The following ADCY2 variants were observed in gnomAD, a reference collection of about 807,000 sequenced individuals.
The protein encoded by ADCY2 is adenylate cyclase 2.
ADCY2 carries 31 observed loss-of-function variants against 125.2 expected under a neutral mutation model. The ratio of observed to expected loss-of-function variants is 0.25; its 90% CI spans 0.19 to 0.33. ADCY2 has a LOEUF of 0.33. Ranked by LOEUF, ADCY2 falls within the 10% of genes least tolerant of loss-of-function variation. The pLI, the probability that ADCY2 is intolerant of heterozygous loss-of-function variation, is 1.00. For synonymous variants in ADCY2, 512 were observed against 548.4 expected (o/e 0.93, Z 0.93); for missense variants, 904 against 1,418.2 (o/e 0.64, Z 5.82).
In ADCY2 at chr5:7,707,926, T is replaced by C; in HGVS notation, c.1401+88T>C. The C allele has an allele frequency of 1.1e-5, 15 of 1,423,632 alleles. No individual in the cohort carries two copies. The South Asian group carries it at 2.0e-4, about 19-fold the overall frequency. The allele number at this position is 1,423,632 out of a possible 1,614,324, so 88.2% of individuals were successfully genotyped here. ...AAGTGTTTTTAGTCAATATCCAATATAATTCTTTGCTACTCTTTGTCCCCA... is the reference window on the plus strand; with the variant it reads ...AAGTGTTTTTAGTCAATATCCAATACAATTCTTTGCTACTCTTTGTCCCCA... On this transcript the variant is annotated intron_variant, in intron 9 of 24. Coordinates refer to ENST00000338316, the MANE Select transcript of ADCY2 (RefSeq NM_020546.3).
At position 7,396,633 on chromosome 5, in the gene ADCY2, C is replaced by T. The variant is rs1244542639; in HGVS notation, c.210+127C>T. On this transcript the variant is annotated intron_variant, in intron 1 of 24. Transcript: ENST00000338316. This position sits in a 1 kb window ranked among gnomAD's most constrained non-coding sequence, Gnocchi z 5.7. Reference sequence around the variant, plus strand: ...GGCAGCCCCTCGGCCCGCGGCAGCCCCTCGGCCCGCGGCTCCCTGCTTCTC... The same window carrying T: ...GGCAGCCCCTCGGCCCGCGGCAGCCTCTCGGCCCGCGGCTCCCTGCTTCTC... 1 of 471,358 alleles carries T rather than the reference C, an allele frequency of 2.1e-6. No homozygotes were observed. The highest frequency in any genetic ancestry group is 3.1e-6 in the Non-Finnish European group (1 of 317,918). The allele number at this position is 471,358 out of a possible 1,614,324, so 29.2% of individuals were successfully genotyped here. A position where few individuals can be genotyped will look rare whatever the true frequency, so the allele number is the denominator to read the frequency against.
chr5:7,463,953 G>A (rs897210311), intron 2 of ADCY2, among the ~76,000 whole-genome samples: 15 of 152,124 alleles, frequency 9.9e-5, no homozygotes, highest in Non-Finnish European at 2.2e-4. Flanking sequence ...GTGTTTTGGT[G>A]CATCTTATGT....
intron 2 of ADCY2, among the ~76,000 whole-genome samples, chr5:7,505,581 C>T (rs1008152585): frequency 5.3e-5 from 8 of 152,202 alleles, no homozygotes; most frequent in Non-Finnish European, 1.0e-4. Context: ...ACTGAGCCAA[C>T]GCAGATGCTA....
chr5:7,477,648 A>T (rs1157821752), intron 2 of ADCY2, among the ~76,000 whole-genome samples: 1 of 152,024 alleles, frequency 6.6e-6, no homozygotes, highest in Non-Finnish European at 1.5e-5. Flanking sequence ...ACTTTTGAAG[A>T]TTTGCTCTTA....
intron 22 of ADCY2, among the ~76,000 whole-genome samples, chr5:7,809,007 C>A (rs1455701318): frequency 2.0e-5 from 3 of 152,182 alleles, no homozygotes; most frequent in Non-Finnish European, 4.4e-5. Flanking sequence ...CTTCTGTTAC[C>A]TTACGCATGA....
intron 2 of ADCY2, among the ~76,000 whole-genome samples, chr5:7,444,163 G>T (rs1247539471): frequency 6.8e-6 from 1 of 147,512 alleles, no homozygotes; most frequent in Non-Finnish European, 1.5e-5. Flanking sequence ...TCCCCGGCTG[G>T]AGTGCAGTGG....
At chr5:7,807,615 A>G (rs1744794761) in intron 22 of ADCY2, among the ~76,000 whole-genome samples, 1 of 152,102 alleles carries the variant, frequency 6.6e-6, no homozygotes, top group Admixed American at 6.5e-5. Flanking sequence ...GACCTCTCCT[A>G]AGACTTTATC....
chr5:7,463,343 A>G (rs6859422), intron 2 of ADCY2, among the ~76,000 whole-genome samples: 1,651 of 152,288 alleles, frequency 0.011, 32 homozygotes, highest in African/African-American at 0.038. Flanking sequence ...AAAAAGAACA[A>G]TCGTTCCATG....
chr5:7,436,723 C>T (rs545241905), intron 2 of ADCY2, among the ~76,000 whole-genome samples: 3 of 152,344 alleles, frequency 2.0e-5, no homozygotes, highest in East Asian at 1.9e-4. Flanking sequence ...CGCATCATCG[C>T]GGCACTCTTG....
intron 4 of ADCY2, among the ~76,000 whole-genome samples, chr5:7,664,592 C>G (rs1420250463): frequency 1.3e-5 from 2 of 152,210 alleles, no homozygotes; most frequent in African/African-American, 2.4e-5. Context: ...TCATGACTTA[C>G]TTTCCAATCT....
intron 6 of ADCY2, among the ~76,000 whole-genome samples, chr5:7,696,079 T>C (rs1211851009): frequency 6.6e-6 from 1 of 152,250 alleles, no homozygotes; most frequent in Non-Finnish European, 1.5e-5. Flanking sequence ...CACGTTTTTA[T>C]CTATTTTAAA....
intron 3 of ADCY2, among the ~76,000 whole-genome samples, chr5:7,602,855 A>G (rs890549940): frequency 6.6e-6 from 1 of 152,160 alleles, no homozygotes; most frequent in African/African-American, 2.4e-5. Context: ...TCAGCCTTAT[A>G]TTTGGCTCCA....
At chr5:7,756,094 A>G (rs1742984001) in intron 15 of ADCY2, among the ~76,000 whole-genome samples, 2 of 152,380 alleles carry the variant, frequency 1.3e-5, no homozygotes, top group South Asian at 2.1e-4. Context: ...GAAGATAACA[A>G]TGTCAATCCC....
At chr5:7,696,289 T>C (rs1740889709) in intron 6 of ADCY2, among the ~76,000 whole-genome samples, 1 of 152,108 alleles carries the variant, frequency 6.6e-6, no homozygotes, top group Non-Finnish European at 1.5e-5. Flanking sequence ...CCTGGAAGAG[T>C]TCCTGAAATA....
At chr5:7,671,385 A>G (rs1474226821) in intron 4 of ADCY2, among the ~76,000 whole-genome samples, 1 of 152,196 alleles carries the variant, frequency 6.6e-6, no homozygotes, top group Admixed American at 6.5e-5. Flanking sequence ...AAAAACAAAC[A>G]TATTCAGTGG....
At chr5:7,400,485 C>T (rs1472116464) in intron 1 of ADCY2, among the ~76,000 whole-genome samples, 2 of 152,142 alleles carry the variant, frequency 1.3e-5, no homozygotes, top group Admixed American at 1.3e-4. Context: ...TCTTATTCTT[C>T]CAAAACAAAT....
At chr5:7,782,867 T>C (rs1365814534) in intron 18 of ADCY2, among the ~76,000 whole-genome samples, 3 of 152,082 alleles carry the variant, frequency 2.0e-5, no homozygotes, top group Non-Finnish European at 4.4e-5. Context: ...ACCGCAGTCA[T>C]AGGCTCAGAG....
At chr5:7,530,260 A>G (rs1477676795) in intron 3 of ADCY2, among the ~76,000 whole-genome samples, 1 of 152,248 alleles carries the variant, frequency 6.6e-6, no homozygotes, top group Non-Finnish European at 1.5e-5. Flanking sequence ...CTAAATTTGC[A>G]TAATTTTAGA....
intron 16 of ADCY2, among the ~76,000 whole-genome samples, chr5:7,763,111 C>T (rs1481108209): frequency 6.8e-6 from 1 of 147,760 alleles, no homozygotes. Flanking sequence ...TTTTTTTTTC[C>T]GAGACGGAGT....
Sources: gnomAD v4.1 joint callset for allele counts (sites outside exome capture counted in the v4.1 genomes callset) on GRCh38, gnomAD v4.1.1 for gene constraint, Gnocchi (gnomAD v3.1) non-coding constraint, MANE v1.5 for transcripts, NCBI Gene and HGNC (gene_info 2026-07-23, HGNC 2026-07-21) for gene names.